The following MACROD2 variants were observed in gnomAD, a reference collection of about 807,000 sequenced individuals.
MACROD2 encodes ADP-ribose glycohydrolase MACROD2.
Under a neutral mutation model 70.4 loss-of-function variants are expected in MACROD2, and 36 were observed. The observed-to-expected ratio is 0.51, with a 90% CI of 0.39 to 0.68. MACROD2 has a LOEUF of 0.68. Ranked by LOEUF, MACROD2 falls within the 30% of genes least tolerant of loss-of-function variation. The pLI is 0.00. For missense variants in MACROD2, 496 were observed against 538.4 expected, an observed-to-expected ratio of 0.92 and a Z score of 0.78; for synonymous variants, 172 against 178.8, an observed-to-expected ratio of 0.96 and a Z score of 0.30.
chr20:14,965,546 C>T (rs1490637232), intron 5 of MACROD2, among the ~76,000 whole-genome samples: 1 of 147,556 alleles, frequency 6.8e-6, no homozygotes, highest in Non-Finnish European at 1.5e-5. Flanking sequence ...CTGCAAGCTC[C>T]GCCTCCCGGG....
chr20:14,326,061 CA>C lies in MACROD2; in HGVS notation c.272-167417del. ...CAAATAGGTAGAGGTTGCTGGTTTCCATGGGAACCATGCATACTTTATAGGG... is the reference window on the plus strand; with the variant it reads ...CAAATAGGTAGAGGTTGCTGGTTTCCTGGGAACCATGCATACTTTATAGGG... On this transcript the variant is annotated intron_variant, in intron 3 of 17. Transcript: ENST00000684519. This position sits in a 1 kb window ranked among gnomAD's most constrained non-coding sequence, Gnocchi z 5.5. 1 of 1,613,896 alleles carries C rather than the reference CA, an allele frequency of 6.2e-7. No individual in the cohort carries two copies. The highest frequency in any genetic ancestry group is 8.5e-7 in the Non-Finnish European group (1 of 1,179,876).
chr20:14,830,419 C>A (rs1297337568), intron 5 of MACROD2, among the ~76,000 whole-genome samples: 1 of 151,988 alleles, frequency 6.6e-6, no homozygotes, highest in Admixed American at 6.6e-5. Context: ...TTTAAAAAAT[C>A]ATATTCTTAC....
At chr20:15,874,485 G>A (rs773988430) in intron 9 of MACROD2, among the ~76,000 whole-genome samples, 6 of 152,064 alleles carry the variant, frequency 3.9e-5, no homozygotes, top group East Asian at 1.9e-4. Flanking sequence ...TTGAGGAATC[G>A]CCACACTGCC....
chr20:14,041,225 A>G (rs1340449780), intron 2 of MACROD2, among the ~76,000 whole-genome samples: 1 of 152,202 alleles, frequency 6.6e-6, no homozygotes, highest in Admixed American at 6.5e-5. Flanking sequence ...TGTATCTTGA[A>G]GTTTCTTGTG....
At position 15,234,003 on chromosome 20, in the gene MACROD2, A is replaced by ATATATG. The variant is rs2076986110; in HGVS notation, c.540+3947_540+3948insGTATAT. 1.9e-4 allele frequency among the ~76,000 whole-genome samples: 11 copies of ATATATG among 56,994 alleles called. No homozygotes were observed. The Admixed American group carries it at 2.7e-3, about 14-fold the overall frequency. 37.4% of individuals were successfully genotyped at this position (56,994 alleles called of 152,430 possible). On this transcript the variant is annotated intron_variant, in intron 6 of 17. Coordinates refer to ENST00000684519, the MANE Select transcript of MACROD2 (RefSeq NM_001351661.2). ...TTTATTTATATATATATATATATAT[A>ATATATG]TATATATTCTTTTTTTTTTTTTTTT... is the stretch of plus-strand genomic sequence containing the variant.
At chr20:14,416,772 G>C (rs6079426) in intron 3 of MACROD2, among the ~76,000 whole-genome samples, 1 of 152,148 alleles carries the variant, frequency 6.6e-6, no homozygotes, top group Non-Finnish European at 1.5e-5. Flanking sequence ...AGCAATCCTA[G>C]GCTATCCTGG....
chr20:15,370,152 T>C (rs2045471911), intron 6 of MACROD2, among the ~76,000 whole-genome samples: 1 of 152,128 alleles, frequency 6.6e-6, no homozygotes, highest in South Asian at 2.1e-4. Context: ...AATGGAATAC[T>C]TGGTATAAAT....
chr20:14,713,125 A>G (rs1214555512), intron 5 of MACROD2, among the ~76,000 whole-genome samples: 3 of 152,086 alleles, frequency 2.0e-5, no homozygotes, highest in Non-Finnish European at 4.4e-5. Context: ...GTGTGTGTGA[A>G]TGAGTGTGAA....
At chr20:15,219,074 A>C (rs2145961668) in intron 5 of MACROD2, among the ~76,000 whole-genome samples, 1 of 152,320 alleles carries the variant, frequency 6.6e-6, no homozygotes, top group African/African-American at 2.4e-5. Context: ...AACCTACATA[A>C]AAGTGAAATT....
At chr20:14,454,749 CTTTTTTT>C (rs11087091) in intron 3 of MACROD2, among the ~76,000 whole-genome samples, 1 of 80,626 alleles carries the variant, frequency 1.2e-5, no homozygotes, top group Non-Finnish European at 2.2e-5. Flanking sequence ...TCTCTACACT[CTTTTTTT>C]TTTTTTTTTT....
At chr20:14,773,074 A>G (rs1402518910) in intron 5 of MACROD2, among the ~76,000 whole-genome samples, 2 of 152,050 alleles carry the variant, frequency 1.3e-5, no homozygotes, top group Non-Finnish European at 2.9e-5. Flanking sequence ...CACATTTATC[A>G]GGACAGAAAA....
At chr20:15,857,122 T>C (rs557186902) in intron 8 of MACROD2, among the ~76,000 whole-genome samples, 3 of 152,166 alleles carry the variant, frequency 2.0e-5, no homozygotes, top group Non-Finnish European at 4.4e-5. Context: ...GGATTAGATC[T>C]TATACAATTG....
At chr20:15,300,136 T>C (rs945179040) in intron 6 of MACROD2, among the ~76,000 whole-genome samples, 1 of 152,140 alleles carries the variant, frequency 6.6e-6, no homozygotes, top group Non-Finnish European at 1.5e-5. Context: ...TTACTGACTT[T>C]TTTTTTTAAC....
intron 7 of MACROD2, among the ~76,000 whole-genome samples, chr20:15,451,900 C>A (rs1361022570): frequency 2.6e-5 from 4 of 152,102 alleles, no homozygotes; most frequent in Non-Finnish European, 5.9e-5. Flanking sequence ...GGGGAAGGGC[C>A]TCATCCTGGT....
At chr20:14,110,469 T>C (rs2054434505) in intron 3 of MACROD2, among the ~76,000 whole-genome samples, 1 of 152,004 alleles carries the variant, frequency 6.6e-6, no homozygotes, top group Admixed American at 6.6e-5. Flanking sequence ...TATGATCTTA[T>C]ATTTGGAAAA....
intron 8 of MACROD2, among the ~76,000 whole-genome samples, chr20:15,860,762 C>T (rs2064414365): frequency 6.6e-6 from 1 of 152,098 alleles, no homozygotes; most frequent in Admixed American, 6.6e-5. Context: ...CTTTACCTCC[C>T]CACCCTCCCC....
chr20:15,084,077 T>TTTTTTTTTTGTTTTG (rs1555780896), intron 5 of MACROD2, among the ~76,000 whole-genome samples: 79 of 145,780 alleles, frequency 5.4e-4, no homozygotes, highest in African/African-American at 1.9e-3. Context: ...TTTTTGTTTT[T>TTTTTTTTTTGTTTTG]TTTTTTTAAT....
At chr20:14,173,798 TCC>T (rs1293992793) in intron 3 of MACROD2, among the ~76,000 whole-genome samples, 1 of 152,200 alleles carries the variant, frequency 6.6e-6, no homozygotes, top group Non-Finnish European at 1.5e-5. Context: ...GATTCTGCTG[TCC>T]CACAGGGTGC....
At chr20:14,626,281 GC>G (rs1271226290) in intron 4 of MACROD2, among the ~76,000 whole-genome samples, 1 of 152,166 alleles carries the variant, frequency 6.6e-6, no homozygotes, top group African/African-American at 2.4e-5. Context: ...CCATGGCACG[GC>G]CTTTTGAAGG....
Sources: gnomAD v4.1 joint callset for allele counts (sites outside exome capture counted in the v4.1 genomes callset) on GRCh38, gnomAD v4.1.1 for gene constraint, Gnocchi (gnomAD v3.1) non-coding constraint, MANE v1.5 for transcripts, NCBI Gene and HGNC (gene_info 2026-07-23, HGNC 2026-07-21) for gene names.